CELF5: variants seen among roughly 807,000 people sequenced by gnomAD.
CELF5 encodes CUGBP Elav-like family member 5.
A neutral mutation model predicts 54.9 loss-of-function variants in CELF5; 6 were observed. The observed-to-expected ratio is 0.11, with a 90% CI of 0.06 to 0.22. The LOEUF is 0.22. Among genes scored for constraint, CELF5 ranks in the 10% least tolerant of loss-of-function variants. The pLI, the probability that CELF5 is intolerant of heterozygous loss-of-function variation, is 1.00. For missense variants in CELF5, 401 were observed against 678.6 expected (o/e 0.59, Z 4.54); for synonymous variants, 271 against 290.9 (o/e 0.93, Z 0.70).
At chr19:3,270,593 G>T (rs1324454451) in intron 2 of CELF5, 1 of 146,746 alleles carries the variant, frequency 6.8e-6, no homozygotes, top group Non-Finnish European at 1.5e-5. Flanking sequence ...GCGGGTGCGC[G>T]CCTGTGCGCC....
intron 10 of CELF5, among the ~76,000 whole-genome samples, chr19:3,287,389 A>G (rs55829183): frequency 0.17 from 21,553 of 128,480 alleles, 2,075 homozygotes; most frequent in Middle Eastern, 0.27. Context: ...GTGAAACCCC[A>G]TCTCTACTAA....
chr19:3,275,396 C>A lies in CELF5; in HGVS notation c.395-460C>A, dbSNP rs946014540. The stretch of plus-strand genomic sequence containing the variant: ...GCCTCTGCTGGGCACCGTGAAAGTG[C>A]GGGGACCATCAGTGCCCACCTCCGC... On this transcript the variant is annotated intron_variant, in intron 3 of 12. Coordinates refer to ENST00000292672, the MANE Select transcript of CELF5 (RefSeq NM_021938.4). This position sits in a 1 kb window ranked among gnomAD's most constrained non-coding sequence, Gnocchi z 6.7. 1.3e-5 allele frequency among the ~76,000 whole-genome samples: 2 copies of A among 152,230 alleles called. No individual in the cohort carries two copies. Among genetic ancestry groups the A allele is most frequent in the Non-Finnish European group, 2.9e-5 (2 of 68,032 alleles).
Position 3,281,029 on chromosome 19 carries a change from C to T in CELF5, c.604-170C>T, listed in dbSNP as rs2080141788. Reference sequence around the variant, plus strand: ...TGGGCCCAGGATGCTGATCTCCACGCGGTCCTCGCTGTGGCCCTGGCTCCT... The same window carrying T: ...TGGGCCCAGGATGCTGATCTCCACGTGGTCCTCGCTGTGGCCCTGGCTCCT... On this transcript the variant is annotated intron_variant, in intron 5 of 12. Transcript: ENST00000292672. The surrounding 1 kb of genome is among the most constrained non-coding windows in gnomAD (Gnocchi z 6.5). Among the ~76,000 whole-genome samples, 1 of 152,198 alleles carries T rather than the reference C, an allele frequency of 6.6e-6. No individual in the cohort carries two copies. The highest frequency in any genetic ancestry group is 1.5e-5 in the Non-Finnish European group (1 of 68,030).
At chr19:3,289,325 G>A (rs889812642) in intron 10 of CELF5, among the ~76,000 whole-genome samples, 4 of 152,156 alleles carry the variant, frequency 2.6e-5, no homozygotes, top group Non-Finnish European at 5.9e-5. Context: ...GGAGTCTGAG[G>A]AAGGAGGATC....
intron 10 of CELF5, among the ~76,000 whole-genome samples, chr19:3,289,655 C>A (rs1021752658): frequency 8.3e-6 from 1 of 120,610 alleles, no homozygotes; most frequent in African/African-American, 3.3e-5. Context: ...GCACTCCAGC[C>A]TGGGCGACAG....
intron 2 of CELF5, among the ~76,000 whole-genome samples, chr19:3,264,849 G>A (rs2145195736): frequency 6.6e-6 from 1 of 152,062 alleles, no homozygotes; most frequent in African/African-American, 2.4e-5. Flanking sequence ...AAGTAGCTGG[G>A]ATTATAGGCG....
At chr19:3,248,839 CT>C (rs1288563955) in intron 1 of CELF5, among the ~76,000 whole-genome samples, 2 of 149,588 alleles carry the variant, frequency 1.3e-5, no homozygotes, top group African/African-American at 2.5e-5. Context: ...CTACTACAAA[CT>C]TTTTTCTTTC....
In CELF5 at chr19:3,281,140, C is replaced by T; in HGVS notation, c.604-59C>T. 1.3e-6 allele frequency: 2 copies of T among 1,570,042 alleles called. No individual in the cohort carries two copies. Among genetic ancestry groups the T allele is most frequent in the Non-Finnish European group, 1.7e-6 (2 of 1,156,900 alleles). On this transcript the variant is annotated intron_variant, in intron 5 of 12. Transcript: ENST00000292672. The surrounding 1 kb of genome is among the most constrained non-coding windows in gnomAD (Gnocchi z 6.5). Reference sequence around the variant, plus strand: ...CCTGAGCTAACATGAATCCAGGGACCCCAGAGTCCTGGCTACCTCCCAGCC... The same window carrying T: ...CCTGAGCTAACATGAATCCAGGGACTCCAGAGTCCTGGCTACCTCCCAGCC...
At chr19:3,271,678 G>A (rs1404732123) in intron 2 of CELF5, among the ~76,000 whole-genome samples, 1 of 152,152 alleles carries the variant, frequency 6.6e-6, no homozygotes, top group Non-Finnish European at 1.5e-5. Flanking sequence ...AAGGGCCTCT[G>A]AAGCAGGAGA....
intron 2 of CELF5, among the ~76,000 whole-genome samples, chr19:3,252,139 T>A (rs542722384): frequency 3.3e-4 from 51 of 152,240 alleles, no homozygotes; most frequent in African/African-American, 1.2e-3. Flanking sequence ...TGGGGTCAAG[T>A]GATCCTCCTA....
At chr19:3,242,514 T>C (rs750968258) in intron 1 of CELF5, among the ~76,000 whole-genome samples, 2 of 150,882 alleles carry the variant, frequency 1.3e-5, no homozygotes, top group Non-Finnish European at 2.9e-5. Flanking sequence ...CTACTAAAAA[T>C]ACAAAAAAAT....
chr19:3,241,520 A>G (rs1430970892), intron 1 of CELF5, among the ~76,000 whole-genome samples: 1 of 151,124 alleles, frequency 6.6e-6, no homozygotes, highest in Admixed American at 6.6e-5. Flanking sequence ...GTGTGCAGCA[A>G]GGCTGCACAC....
chr19:3,232,944 C>A (rs1347566762), intron 1 of CELF5, among the ~76,000 whole-genome samples: 2 of 151,960 alleles, frequency 1.3e-5, no homozygotes, highest in East Asian at 3.9e-4. Flanking sequence ...TGTGGTGGTG[C>A]ATGTCTGTAA....
chr19:3,281,186 G>A lies in CELF5; in HGVS notation c.604-13G>A, dbSNP rs749397585. The A allele has an allele frequency of 6.9e-6, 11 of 1,599,176 alleles. No individual in the cohort carries two copies. The highest frequency in any genetic ancestry group is 1.1e-5 in the South Asian group (1 of 90,956). ...CAGCCCGTTTCCCTCCCTGCTCGCC[G>A]CTGCCCCTGCAGGGAGCCTCCTCCA... is the stretch of plus-strand genomic sequence containing the variant. On this transcript the variant is annotated splice_polypyrimidine_tract_variant and intron_variant, in intron 5 of 12. Coordinates refer to ENST00000292672, the MANE Select transcript of CELF5 (RefSeq NM_021938.4). The surrounding 1 kb of genome is among the most constrained non-coding windows in gnomAD (Gnocchi z 6.5).
rs1916803457 is a variant in CELF5, at chr19:3,225,005, G to T, written c.259+7G>T. 3 of 1,526,792 alleles carry T rather than the reference G, an allele frequency of 2.0e-6. No individual in the cohort carries two copies. Among genetic ancestry groups the T allele is most frequent in the Non-Finnish European group, 2.6e-6 (3 of 1,133,674 alleles). 94.6% of individuals were successfully genotyped at this position (1,526,792 alleles called of 1,614,324 possible). A position where few individuals can be genotyped will look rare whatever the true frequency, so the allele number is the denominator to read the frequency against. ...TACACGGGGATGCACAAAGGTGGGCGCCCGGCCCCCTCCCCCCTCTCCCCC... is the reference window on the plus strand; with the variant it reads ...TACACGGGGATGCACAAAGGTGGGCTCCCGGCCCCCTCCCCCCTCTCCCCC... On this transcript the variant is annotated splice_region_variant and intron_variant, in intron 1 of 12. Coordinates refer to ENST00000292672, the MANE Select transcript of CELF5 (RefSeq NM_021938.4).
At chr19:3,225,274 C>T (rs2144947909) in intron 1 of CELF5, among the ~76,000 whole-genome samples, 1 of 111,536 alleles carries the variant, frequency 9.0e-6, no homozygotes, top group South Asian at 3.9e-4. Context: ...CTCTCTCTCT[C>T]CCTCTCTCTC....
chr19:3,254,283 T>C (rs1339960114), intron 2 of CELF5, among the ~76,000 whole-genome samples: 1 of 151,894 alleles, frequency 6.6e-6, no homozygotes, highest in Non-Finnish European at 1.5e-5. Flanking sequence ...CACCTTTCCA[T>C]CCACCCATCA....
At chr19:3,242,402 G>A (rs2079503452) in intron 1 of CELF5, among the ~76,000 whole-genome samples, 1 of 152,106 alleles carries the variant, frequency 6.6e-6, no homozygotes, top group East Asian at 1.9e-4. Context: ...TGGGTGCAGT[G>A]ACTCATGCCT....
In CELF5 at chr19:3,293,467, A is replaced by AGG; in HGVS notation, c.*22_*23dup. On this transcript the variant is annotated 3_prime_UTR_variant, in exon 12 of 13. Coordinates refer to ENST00000292672, the MANE Select transcript of CELF5 (RefSeq NM_021938.4). ...ACTGACCGCGCCCACAGCCGCCCTG[A>AGG]GGCTGTAGGCATGGCCCAGGTGAGC... 6.2e-7 allele frequency: 1 copy of AGG among 1,613,092 alleles called. No homozygotes were observed. The highest frequency in any genetic ancestry group is 8.5e-7 in the Non-Finnish European group (1 of 1,179,376).
Sources: allele counts gnomAD v4.1 joint callset (sites outside exome capture counted in the v4.1 genomes callset), GRCh38; gene constraint gnomAD v4.1.1; non-coding constraint Gnocchi (gnomAD v3.1); transcripts MANE v1.5; gene names NCBI Gene and HGNC (gene_info 2026-07-23, HGNC 2026-07-21).